Variants in CIT observed in about 807,000 individuals in gnomAD.
CIT encodes the protein citron Rho-interacting kinase.
Under a neutral mutation model 272.7 loss-of-function variants are expected in CIT, and 79 were observed. The ratio of observed to expected loss-of-function variants is 0.29; its 90% CI spans 0.24 to 0.35. CIT has a LOEUF of 0.35. CIT is among the 10% of genes least tolerant of loss of function. The pLI is 1.00. For synonymous variants in CIT, 948 were observed against 995.6 expected (o/e 0.95, Z 0.90); for missense variants, 1,909 against 2,618.3 (o/e 0.73, Z 5.91).
At chr12:119,870,572 A>G (rs1950642801) in intron 2 of CIT, among the ~76,000 whole-genome samples, 2 of 150,208 alleles carry the variant, frequency 1.3e-5, no homozygotes, top group South Asian at 4.2e-4. Context: ...AAAAAAAAAA[A>G]AGGCAGCTTA....
At chr12:119,704,055 C>T (rs1243858350) in intron 41 of CIT, among the ~76,000 whole-genome samples, 1 of 150,222 alleles carries the variant, frequency 6.7e-6, no homozygotes, top group Non-Finnish European at 1.5e-5. Flanking sequence ...TTTTTTTTTT[C>T]CACTGGTTTT....
At chr12:119,808,252 T>A (rs2137922411) in intron 9 of CIT, among the ~76,000 whole-genome samples, 1 of 152,316 alleles carries the variant, frequency 6.6e-6, no homozygotes, top group Non-Finnish European at 1.5e-5. Flanking sequence ...TTTGTCCTCT[T>A]GGGACTCCTT....
rs2137704350 is a variant in CIT, at chr12:119,783,938, C to T, written c.1515G>A (p.Gln505=). The T allele has an allele frequency of 4.4e-6, 7 of 1,608,746 alleles. No homozygotes were observed. The South Asian group carries it at 7.8e-5, about 18-fold the overall frequency. Residue 505 remains glutamine, a synonymous_variant, in exon 12 of 48, where the codon CAG becomes CAA. Coordinates refer to ENST00000392521, the MANE Select transcript of CIT (RefSeq NM_001206999.2). ...ATTCTGTGATGTAGGTAGCAAGGTC[C>T]TGCTCCAGGAGGGATCTCTGAGTCT... ...ASETQRSLLE[Q]DLATYITECS... is the part of the protein sequence containing the mutation.
chr12:119,704,771 G>A (rs1956785417), intron 40 of CIT, among the ~76,000 whole-genome samples: 1 of 152,128 alleles, frequency 6.6e-6, no homozygotes, highest in Non-Finnish European at 1.5e-5. Context: ...CCTCAGGGAG[G>A]CACCTGACAC....
intron 17 of CIT, among the ~76,000 whole-genome samples, chr12:119,772,126 G>A (rs956345001): frequency 2.0e-5 from 3 of 151,072 alleles, no homozygotes; most frequent in Non-Finnish European, 4.4e-5. Flanking sequence ...CCCAGCAATA[G>A]GAGGAGGGTG....
chr12:119,706,421 C>T (rs977682794), intron 40 of CIT, among the ~76,000 whole-genome samples: 3 of 152,054 alleles, frequency 2.0e-5, no homozygotes, highest in East Asian at 1.9e-4. Context: ...TTATTTTTCC[C>T]GATCCCCTCC....
intron 7 of CIT, among the ~76,000 whole-genome samples, chr12:119,827,465 G>A (rs540532167): frequency 6.6e-6 from 1 of 150,502 alleles, no homozygotes; most frequent in East Asian, 2.0e-4. Context: ...CCGAGATGGA[G>A]TCTCGCTCTG....
intron 9 of CIT, among the ~76,000 whole-genome samples, chr12:119,808,260 C>T (rs1966722053): frequency 1.3e-5 from 2 of 152,130 alleles, no homozygotes; most frequent in South Asian, 4.1e-4. Context: ...CTTGGGACTC[C>T]TTCTAACATG....
chr12:119,740,209 C>A (rs543135052), intron 24 of CIT, among the ~76,000 whole-genome samples: 1 of 152,296 alleles, frequency 6.6e-6, no homozygotes, highest in East Asian at 1.9e-4. Context: ...TTAGAAGTCA[C>A]CGTTCCAGAA....
rs758030316 is a variant in CIT at position 119,739,417 on chromosome 12, A to G, written c.2958+2994T>C. On this transcript the variant is annotated intron_variant, in intron 24 of 47. Coordinates refer to ENST00000392521, the MANE Select transcript of CIT (RefSeq NM_001206999.2). The stretch of plus-strand genomic sequence containing the variant: ...TTATGGGAGTTGTGGGAACTCCCAT[A>G]ATAACTCATTTTTAAATGACAAAGA... 4.6e-5 allele frequency among the ~76,000 whole-genome samples: 7 copies of G among 152,254 alleles called. No homozygotes were observed. In the East Asian group the frequency reaches 1.4e-3, roughly 29 times the overall value.
At chr12:119,829,198 C>G (rs1195801268) in intron 7 of CIT, among the ~76,000 whole-genome samples, 1 of 152,078 alleles carries the variant, frequency 6.6e-6, no homozygotes, top group Non-Finnish European at 1.5e-5. Context: ...ATTAGCCAGG[C>G]ATGGTGGCGG....
chr12:119,773,682 C>G (rs570810575), intron 16 of CIT, among the ~76,000 whole-genome samples: 2 of 152,312 alleles, frequency 1.3e-5, no homozygotes, highest in African/African-American at 4.8e-5. Flanking sequence ...TTCGCCTCAG[C>G]CTCCCAAAGT....
intron 43 of CIT, 97 bp downstream of exon 43, chr12:119,701,527 A>G (rs1301677374): frequency 1.4e-6 from 2 of 1,418,632 alleles, no homozygotes; most frequent in Admixed American, 2.0e-5. Flanking sequence ...AGTCAAACCT[A>G]TCCTGCCCCA....
chr12:119,728,618 G>A lies in CIT; in HGVS notation c.3487-12C>T, dbSNP rs1175539837. On this transcript the variant is annotated splice_polypyrimidine_tract_variant and intron_variant, in intron 27 of 47. Coordinates refer to ENST00000392521, the MANE Select transcript of CIT (RefSeq NM_001206999.2). This position sits in a 1 kb window ranked among gnomAD's most constrained non-coding sequence, Gnocchi z 4.3. ...TCCAGGTCATTGAGCTAGACATTTG[G>A]AAAGATTGGCATAATGCCACACTTA... The A allele has an allele frequency of 1.3e-6, 2 of 1,569,488 alleles. No individual in the cohort carries two copies. The highest frequency in any genetic ancestry group is 2.2e-5 in the East Asian group (1 of 44,684).
At chr12:119,863,709 T>C (rs1409842032) in intron 3 of CIT, among the ~76,000 whole-genome samples, 1 of 151,472 alleles carries the variant, frequency 6.6e-6, no homozygotes, top group Non-Finnish European at 1.5e-5. Flanking sequence ...GTATTTTTAG[T>C]ATAGAGACGG....
chr12:119,769,177 CT>C (rs35877169), intron 18 of CIT, among the ~76,000 whole-genome samples: 33,546 of 151,054 alleles, frequency 0.22, 3,879 homozygotes, highest in Middle Eastern at 0.32. Flanking sequence ...AGACTGACAA[CT>C]TTAAGACCAA....
At chr12:119,727,549 A>G (rs1033614084) in intron 28 of CIT, among the ~76,000 whole-genome samples, 1 of 152,188 alleles carries the variant, frequency 6.6e-6, no homozygotes, top group African/African-American at 2.4e-5. Flanking sequence ...AGACTTCACC[A>G]CCACACAATT....
At chr12:119,747,992 C>A (rs190844483) in intron 23 of CIT, among the ~76,000 whole-genome samples, 1 of 151,876 alleles carries the variant, frequency 6.6e-6, no homozygotes, top group African/African-American at 2.4e-5. Flanking sequence ...GGTGAAACCT[C>A]TTCTTTACAA....
intron 13 of CIT, among the ~76,000 whole-genome samples, chr12:119,777,483 A>G (rs1963876791): frequency 1.3e-5 from 2 of 152,124 alleles, no homozygotes; most frequent in African/African-American, 4.8e-5. Flanking sequence ...CAGCATGGCC[A>G]ACATGGTGAA....
Sources: gnomAD v4.1 joint callset for allele counts (sites outside exome capture counted in the v4.1 genomes callset) on GRCh38, gnomAD v4.1.1 for gene constraint, Gnocchi (gnomAD v3.1) non-coding constraint, MANE v1.5 for transcripts, NCBI Gene and HGNC (gene_info 2026-07-23, HGNC 2026-07-21) for gene names.